The following ATXN3L variants were observed in gnomAD, a reference collection of about 807,000 sequenced individuals.
The protein encoded by ATXN3L is ataxin 3 like.
For synonymous variants in ATXN3L, 98 were observed against 96.1 expected, an observed-to-expected ratio of 1.02 and a Z score of -0.12; for missense variants, 283 against 255.2, an observed-to-expected ratio of 1.11 and a Z score of -0.74.
At position 13,318,923 on chromosome X, in the gene ATXN3L, C is replaced by T; in HGVS notation, c.1012G>A (p.Val338Ile). ...DISEGTVQAAVDTILEIMRKN... is the reference protein window; with the variant it reads ...DISEGTVQAAIDTILEIMRKN... Reference sequence around the variant, plus strand: ...CTCATAATTTCTAAAATGGTGTCGACAGCGGCCTGTACTGTGCCTTCACTG... The same window carrying T: ...CTCATAATTTCTAAAATGGTGTCGATAGCGGCCTGTACTGTGCCTTCACTG... The change falls in exon 1 of 1, where the codon GTC becomes ATC. Residue 338 changes from valine (V) to isoleucine (I), a missense_variant. Coordinates refer to ENST00000380622, the MANE Select transcript of ATXN3L (RefSeq NM_001135995.2). The T allele has an allele frequency of 8.3e-7, 1 of 1,206,444 alleles. No individual in the cohort carries two copies. Among genetic ancestry groups the T allele is most frequent in the Non-Finnish European group, 1.1e-6 (1 of 893,732 alleles).
Position 13,319,623 on chromosome X carries a change from AATGCCGAGCTTCTGATAT to A in ATXN3L, c.294_311del (p.Glu98_Ile104delinsAsp), listed in dbSNP as rs771053259. 1.5e-3 allele frequency: 1,843 copies of A among 1,210,004 alleles called. 23 individuals carry two copies. The South Asian group carries it at 0.03, about 20-fold the overall frequency. On this transcript the variant is annotated inframe_deletion, in exon 1 of 1. Coordinates refer to ENST00000380622, the MANE Select transcript of ATXN3L (RefSeq NM_001135995.2). ...TAAAAGATCTTTCATTTATAGGATC[AATGCCGAGCTTCTGATAT>A]TCAGGATTATTGAAATGGATGATCT...
In ATXN3L at chrX:13,319,504, G is replaced by A; in HGVS notation, c.431C>T (p.Ser144Leu). ...CAAGAAATTTGCAAGGCATGTATCT[G>A]ATATTAATTCTGGACCCGCCAAGAG... Reference protein sequence around the residue: ...NSLLAGPELISDTCLANFLAR... With the variant: ...NSLLAGPELILDTCLANFLAR... Residue 144 changes from serine to leucine, a missense_variant, in exon 1 of 1, where the codon TCA becomes TTA. Physicochemically the swap from Ser to Leu is moderately radical, Grantham distance 145. Coordinates refer to ENST00000380622, the MANE Select transcript of ATXN3L (RefSeq NM_001135995.2). The A allele has an allele frequency of 8.3e-7, 1 of 1,211,526 alleles. No individual in the cohort carries two copies. The highest frequency in any genetic ancestry group is 1.1e-6 in the Non-Finnish European group (1 of 895,332).
In ATXN3L at chrX:13,319,532, A is replaced by G; in HGVS notation, c.403T>C (p.Ser135Pro). The change falls in exon 1 of 1, where the codon TCT becomes CCT. Residue 135 changes from serine to proline, a missense_variant. Transcript: ENST00000380622. ...ATTAATTCTGGACCCGCCAAGAGAG[A>G]ATTCAAGTTAAACCAGTGTTTTCCA... Reference protein sequence around the residue: ...KFGKHWFNLNSLLAGPELISD... With the variant: ...KFGKHWFNLNPLLAGPELISD... 1 of 1,211,533 alleles carries G rather than the reference A, an allele frequency of 8.3e-7. No individual in the cohort carries two copies. Among genetic ancestry groups the G allele is most frequent in the Non-Finnish European group, 1.1e-6 (1 of 895,412 alleles).
rs768684316 is a variant in ATXN3L at position 13,319,147 on chromosome X, G to A, written c.788C>T (p.Ser263Leu). Residue 263 changes from serine to leucine, a missense_variant, in exon 1 of 1, where the codon TCG (serine) becomes TTG (leucine). Physicochemically the swap from Ser to Leu is moderately radical, Grantham distance 145 (BLOSUM62 -2). Coordinates refer to ENST00000380622, the MANE Select transcript of ATXN3L (RefSeq NM_001135995.2). ...ACATGATGTCTTTGGAAGATCTTGCGATGTGTTTCCGGAACTACCTTGCAT... is the reference window on the plus strand; with the variant it reads ...ACATGATGTCTTTGGAAGATCTTGCAATGTGTTTCCGGAACTACCTTGCAT... Reference protein sequence around the residue: ...LSMQGSSGNTSQDLPKTSCVT... With the variant: ...LSMQGSSGNTLQDLPKTSCVT... 1.6e-5 allele frequency: 19 copies of A among 1,209,674 alleles called. No homozygotes were observed. In the East Asian group the frequency reaches 4.1e-4, roughly 26 times the overall value.
In ATXN3L at chrX:13,319,099, G is replaced by A. The variant is rs762941993; in HGVS notation, c.836C>T (p.Pro279Leu). 1.4e-5 allele frequency: 17 copies of A among 1,208,892 alleles called. No individual in the cohort carries two copies. In the East Asian group the frequency reaches 4.1e-4, roughly 29 times the overall value. Residue 279 changes from proline (P) to leucine (L), a missense_variant, in exon 1 of 1, where the codon CCG becomes CTG. Transcript: ENST00000380622. ...TSCVTPASEQ[P>L]KKIKEDYFEK... ...AAAATAGTCTTCTTTTATTTTCTTCGGCTGTTCTGAAGCAGGAGTTACACA... is the reference window on the plus strand; with the variant it reads ...AAAATAGTCTTCTTTTATTTTCTTCAGCTGTTCTGAAGCAGGAGTTACACA...
At position 13,319,121 on chromosome X, in the gene ATXN3L, C is replaced by T. The variant is rs1166247891; in HGVS notation, c.814G>A (p.Val272Ile). The change falls in exon 1 of 1, where the codon GTA (valine) becomes ATA (isoleucine). Residue 272 changes from valine (V) to isoleucine (I), a missense_variant. Transcript: ENST00000380622. Reference protein sequence around the residue: ...TSQDLPKTSCVTPASEQPKKI... With the variant: ...TSQDLPKTSCITPASEQPKKI... ...TTCGGCTGTTCTGAAGCAGGAGTTACACATGATGTCTTTGGAAGATCTTGC... is the reference window on the plus strand; with the variant it reads ...TTCGGCTGTTCTGAAGCAGGAGTTATACATGATGTCTTTGGAAGATCTTGC... 2 of 1,209,773 alleles carry T rather than the reference C, an allele frequency of 1.7e-6. No individual in the cohort carries two copies. The highest frequency in any genetic ancestry group is 2.2e-6 in the Non-Finnish European group (2 of 895,102).
In ATXN3L at chrX:13,319,172, T is replaced by C. The variant is rs376072867; in HGVS notation, c.763A>G (p.Met255Val). The C allele has an allele frequency of 1.7e-4, 209 of 1,210,229 alleles. No individual in the cohort carries two copies. Among genetic ancestry groups the C allele is most frequent in the South Asian group, 7.6e-4 (43 of 56,807 alleles). Residue 255 changes from methionine to valine, a missense_variant, in exon 1 of 1, where the codon ATG becomes GTG. By Grantham distance (21) the Met-to-Val change is conservative. Coordinates refer to ENST00000380622, the MANE Select transcript of ATXN3L (RefSeq NM_001135995.2). ...EHLRSTIELS[M>V]QGSSGNTSQD... ...GATGTGTTTCCGGAACTACCTTGCA[T>C]GCTTAACTCAATAGTACTGCGGAGA... is the stretch of plus-strand genomic sequence containing the variant.
In ATXN3L at chrX:13,319,240, G is replaced by A. The variant is rs756429462; in HGVS notation, c.695C>T (p.Ala232Val). ...SDQDEEDFQRALELSRQETNR... is the reference protein window; with the variant it reads ...SDQDEEDFQRVLELSRQETNR... ...GGTTTCTTGGCGGCTTAGTTCAAGGGCCCTCTGAAAATCCTCCTCATCTTG... is the reference window on the plus strand; with the variant it reads ...GGTTTCTTGGCGGCTTAGTTCAAGGACCCTCTGAAAATCCTCCTCATCTTG... The change falls in exon 1 of 1, where the codon GCC becomes GTC. Residue 232 changes from alanine (A) to valine (V), a missense_variant. Physicochemically the swap from Ala to Val is moderately conservative, Grantham distance 64. Transcript: ENST00000380622. The A allele has an allele frequency of 3.6e-5, 44 of 1,209,333 alleles. No individual in the cohort carries two copies. The Admixed American group carries it at 9.0e-4, about 25-fold the overall frequency.
chrX:13,319,635 C>G lies in ATXN3L; in HGVS notation c.300G>C (p.Gln100His). ...EIIHFNNPEY[Q>H]KLGIDPINER... is the part of the protein sequence containing the mutation. ...CATTTATAGGATCAATGCCGAGCTT[C>G]TGATATTCAGGATTATTGAAATGGA... Residue 100 changes from glutamine to histidine, a missense_variant, in exon 1 of 1, where the codon CAG becomes CAC. Gln to His is a conservative substitution (Grantham distance 24). Transcript: ENST00000380622. 8.3e-7 allele frequency: 1 copy of G among 1,208,931 alleles called. No homozygotes were observed. Among genetic ancestry groups the G allele is most frequent in the Non-Finnish European group, 1.1e-6 (1 of 895,273 alleles).
Position 13,318,827 on chromosome X carries a change from A to AT in ATXN3L, c.*39dup. The AT allele has an allele frequency of 9.2e-7, 1 of 1,092,427 alleles. No individual in the cohort carries two copies. Among genetic ancestry groups the AT allele is most frequent in the Non-Finnish European group, 1.2e-6 (1 of 806,622 alleles). The allele number at this position is 1,092,427 out of a possible 1,213,427, so 90.0% of individuals were successfully genotyped here. ...TCCTACAGTATAATCACACAGGATAATGTTGGAAAGTATGACTATCTAAAT... is the reference window on the plus strand; with the variant it reads ...TCCTACAGTATAATCACACAGGATAATTGTTGGAAAGTATGACTATCTAAAT... On this transcript the variant is annotated 3_prime_UTR_variant, in exon 1 of 1. Transcript: ENST00000380622.
chrX:13,318,730 C>T lies in ATXN3L; in HGVS notation c.*137G>A, dbSNP rs2044463544. ...ACGATCATTATTTAGTCCCACATCTCTCTCGTCATTTTGTTTGCAAACTGT... is the reference window on the plus strand; with the variant it reads ...ACGATCATTATTTAGTCCCACATCTTTCTCGTCATTTTGTTTGCAAACTGT... On this transcript the variant is annotated 3_prime_UTR_variant, in exon 1 of 1. Coordinates refer to ENST00000380622, the MANE Select transcript of ATXN3L (RefSeq NM_001135995.2). 4.3e-6 allele frequency: 2 copies of T among 462,837 alleles called. No individual in the cohort carries two copies. The highest frequency in any genetic ancestry group is 7.0e-6 in the Non-Finnish European group (2 of 284,401). The allele number at this position is 462,837 out of a possible 1,213,427, so 38.1% of individuals were successfully genotyped here.
At position 13,319,603 on chromosome X, in the gene ATXN3L, G is replaced by T; in HGVS notation, c.332C>A (p.Ser111Tyr). The T allele has an allele frequency of 8.3e-7, 1 of 1,210,422 alleles. No individual in the cohort carries two copies. The highest frequency in any genetic ancestry group is 1.1e-6 in the Non-Finnish European group (1 of 894,463). The change falls in exon 1 of 1, where the codon TCT becomes TAT. Residue 111 changes from serine (S) to tyrosine (Y), a missense_variant. Ser to Tyr is a moderately radical substitution (Grantham distance 144, BLOSUM62 -2). Coordinates refer to ENST00000380622, the MANE Select transcript of ATXN3L (RefSeq NM_001135995.2). ...KLGIDPINER[S>Y]FICNYKQHWF... ...GTGTTGTTTATAATTACATATAAAA[G>T]ATCTTTCATTTATAGGATCAATGCC...
In ATXN3L at chrX:13,319,784, C is replaced by A. The variant is rs2044476651; in HGVS notation, c.151G>T (p.Gly51Ter). 1 of 1,210,312 alleles carries A rather than the reference C, an allele frequency of 8.3e-7. No homozygotes were observed. Among genetic ancestry groups the A allele is most frequent in the African/African-American group, 1.7e-5 (1 of 57,326 alleles). ...AGATACTCTTCACTGGTGACTCCTC[C>A]TTCTGCCATTCTCATCCTCTCTTCT... ...DEEERMRMAEGGVTSEEYLAF... is the reference protein window; with the variant it reads ...DEEERMRMAE Residue 51 changes from glycine to a stop codon, truncating the protein, a stop_gained, in exon 1 of 1, where the codon GGA becomes TGA. Transcript: ENST00000380622. LOFTEE classifies it low-confidence loss of function (END_TRUNC).
chrX:13,319,014 A>G lies in ATXN3L; in HGVS notation c.921T>C (p.Ser307=). The change falls in exon 1 of 1, where the codon AGT becomes AGC. Residue 307 remains serine (S), a synonymous_variant. Transcript: ENST00000380622. ...QQQQSDLPGH[S]SYLHERPTTS... ...TTGTTGGCCTTTCGTGTAGGTATGAACTGTGGCCCGGCAGATCTGACTGTT... is the reference window on the plus strand; with the variant it reads ...TTGTTGGCCTTTCGTGTAGGTATGAGCTGTGGCCCGGCAGATCTGACTGTT... 1 of 1,211,631 alleles carries G rather than the reference A, an allele frequency of 8.3e-7. No homozygotes were observed.
Position 13,319,942 on chromosome X carries a change from G to T in ATXN3L, c.-8C>A, listed in dbSNP as rs2044478285. 1 of 1,172,333 alleles carries T rather than the reference G, an allele frequency of 8.5e-7. No homozygotes were observed. ...ATGAAAGATGAAATCCATGTTAATT[G>T]TATCCGTGAGTTTCTGTAGGTATGC... On this transcript the variant is annotated 5_prime_UTR_variant, in exon 1 of 1. Coordinates refer to ENST00000380622, the MANE Select transcript of ATXN3L (RefSeq NM_001135995.2).
rs1240357213 is a variant in ATXN3L at position 13,319,872 on chromosome X, A to G, written c.63T>C (p.Asn21=). The change falls in exon 1 of 1, where the codon AAT becomes AAC. Residue 21 remains asparagine, a synonymous_variant. Coordinates refer to ENST00000380622, the MANE Select transcript of ATXN3L (RefSeq NM_001135995.2). The part of the protein sequence containing the change: ...GFLCAQHCLN[N]LLQGEYFSPV... ...GGCTAAAATATTCTCCTTGCAATAG[A>G]TTGTTCAGACAGTGCTGAGCACACA... is the stretch of plus-strand genomic sequence containing the variant. 3.3e-6 allele frequency: 4 copies of G among 1,210,277 alleles called. No homozygotes were observed. Among genetic ancestry groups the G allele is most frequent in the Non-Finnish European group, 4.5e-6 (4 of 895,190 alleles).
chrX:13,319,351 T>A lies in ATXN3L; in HGVS notation c.584A>T (p.Lys195Ile). 1.7e-6 allele frequency: 2 copies of A among 1,210,930 alleles called. No individual in the cohort carries two copies. The highest frequency in any genetic ancestry group is 2.2e-6 in the Non-Finnish European group (2 of 895,113). ...TCTATGCTCTTTTTGTTTTACTAATTTTTTTCCATTAAGTTTTGGTGTATC... is the reference window on the plus strand; with the variant it reads ...TCTATGCTCTTTTTGTTTTACTAATATTTTTCCATTAAGTTTTGGTGTATC... ...EMDTPKLNGK[K>I]LVKQKEHRVY... The change falls in exon 1 of 1, where the codon AAA (lysine) becomes ATA (isoleucine). Residue 195 changes from lysine to isoleucine, a missense_variant. By Grantham distance (102) the Lys-to-Ile change is moderately radical. Transcript: ENST00000380622.
At position 13,319,318 on chromosome X, in the gene ATXN3L, T is replaced by C; in HGVS notation, c.617A>G (p.Lys206Arg). Residue 206 changes from lysine (K) to arginine (R), a missense_variant, in exon 1 of 1, where the codon AAA becomes AGA. Physicochemically the swap from Lys to Arg is conservative, Grantham distance 26 (BLOSUM62 2). Coordinates refer to ENST00000380622, the MANE Select transcript of ATXN3L (RefSeq NM_001135995.2). ...TTCTGATACTTTTTCAAGGACTGTTTTATAGACTCTATGCTCTTTTTGTTT... is the reference window on the plus strand; with the variant it reads ...TTCTGATACTTTTTCAAGGACTGTTCTATAGACTCTATGCTCTTTTTGTTT... ...LVKQKEHRVYKTVLEKVSEES... is the reference protein window; with the variant it reads ...LVKQKEHRVYRTVLEKVSEES... 8.3e-7 allele frequency: 1 copy of C among 1,209,683 alleles called. No homozygotes were observed. The highest frequency in any genetic ancestry group is 2.3e-4 in the Middle Eastern group (1 of 4,354).
In ATXN3L at chrX:13,318,932, G is replaced by A. The variant is rs199968559; in HGVS notation, c.1003C>T (p.Gln335Ter). 2.9e-4 allele frequency: 349 copies of A among 1,209,254 alleles called. 1 individual carries two copies. The African/African-American group carries it at 5.6e-3, about 19-fold the overall frequency. The change falls in exon 1 of 1, where the codon CAG becomes TAG. Residue 335 changes from glutamine to a stop codon, truncating the protein, a stop_gained. Coordinates refer to ENST00000380622, the MANE Select transcript of ATXN3L (RefSeq NM_001135995.2). LOFTEE classifies it high-confidence loss of function. Reference sequence around the variant, plus strand: ...TCTAAAATGGTGTCGACAGCGGCCTGTACTGTGCCTTCACTGATGTCATCA... The same window carrying A: ...TCTAAAATGGTGTCGACAGCGGCCTATACTGTGCCTTCACTGATGTCATCA... ...LSDDISEGTV[Q>*]AAVDTILEIM...
Sources: allele counts gnomAD v4.1 joint callset, GRCh38; gene constraint gnomAD v4.1.1; transcripts MANE v1.5; gene names NCBI Gene and HGNC (gene_info 2026-07-23, HGNC 2026-07-21).